The following FGFR1 variants were observed in gnomAD, a reference collection of about 807,000 sequenced individuals.
FGFR1 encodes FGFR1/PLAG1 fusion.
FGFR1 carries 18 observed loss-of-function variants against 93.7 expected under a neutral mutation model. The ratio of observed to expected loss-of-function variants is 0.19; its 90% CI spans 0.13 to 0.28. FGFR1 has a LOEUF of 0.28. FGFR1 is among the 10% of genes least tolerant of loss of function. The pLI, the probability that FGFR1 is intolerant of heterozygous loss-of-function variation, is 1.00. For synonymous variants in FGFR1, 448 were observed against 429.3 expected, an observed-to-expected ratio of 1.04 and a Z score of -0.54; for missense variants, 731 against 1,080.4, an observed-to-expected ratio of 0.68 and a Z score of 4.53.
chr8:38,466,898 C>G (rs931066249), intron 1 of FGFR1, among the ~76,000 whole-genome samples: 1 of 149,216 alleles, frequency 6.7e-6, no homozygotes, highest in African/African-American at 2.5e-5. Flanking sequence ...ACACCCCACC[C>G]CCCCCCCACC....
intron 12 of FGFR1, among the ~76,000 whole-genome samples, 182 bp downstream of exon 12, chr8:38,417,124 T>C (rs548749575): frequency 1.4e-4 from 22 of 152,340 alleles, no homozygotes; most frequent in South Asian, 2.1e-4. Flanking sequence ...TAGGTATCTG[T>C]ATTCCTGAAT....
At chr8:38,436,639 T>G (rs969944867) in intron 2 of FGFR1, among the ~76,000 whole-genome samples, 5 of 151,988 alleles carry the variant, frequency 3.3e-5, no homozygotes, top group African/African-American at 1.2e-4. Flanking sequence ...AAACCTACCC[T>G]GCTTCTCTAA....
intron 2 of FGFR1, among the ~76,000 whole-genome samples, chr8:38,443,333 C>T (rs994407269): frequency 6.6e-5 from 10 of 152,052 alleles, no homozygotes; most frequent in African/African-American, 1.9e-4. Context: ...CCGTACCCGA[C>T]GATTATACAT....
At chr8:38,432,944 G>A (rs1046755922) in intron 2 of FGFR1, among the ~76,000 whole-genome samples, 1 of 114,214 alleles carries the variant, frequency 8.8e-6, no homozygotes. Context: ...CTTTCAGCAC[G>A]GCTGCATCCT....
chr8:38,450,407 G>A (rs1830675866), intron 2 of FGFR1, among the ~76,000 whole-genome samples: 2 of 152,158 alleles, frequency 1.3e-5, no homozygotes, highest in African/African-American at 4.8e-5. Flanking sequence ...TGGCCCCGGA[G>A]GAACGAGGCA....
intron 1 of FGFR1, among the ~76,000 whole-genome samples, chr8:38,458,472 C>T (rs932173930): frequency 3.3e-5 from 5 of 151,902 alleles, no homozygotes; most frequent in South Asian, 2.1e-4. Flanking sequence ...ACTCAGGAGG[C>T]GGAGGTTGCA....
intron 2 of FGFR1, among the ~76,000 whole-genome samples, chr8:38,439,521 G>A (rs555777765): frequency 1.6e-4 from 25 of 152,182 alleles, no homozygotes; most frequent in Non-Finnish European, 3.1e-4. Context: ...ACTGCACAGG[G>A]CTCACAAGGG....
At position 38,412,872 on chromosome 8, in the gene FGFR1, A is replaced by G. The variant is rs1437124195; in HGVS notation, c.*756T>C. ...CTTTTTTTTCTTTTTTGTTTTTAAT[A>G]TATAGCAACTGATGCCTCCCAGCCA... On this transcript the variant is annotated 3_prime_UTR_variant, in exon 18 of 18. Coordinates refer to ENST00000447712, the MANE Select transcript of FGFR1 (RefSeq NM_023110.3). The G allele has an allele frequency of 4.3e-6, 1 of 233,614 alleles. No homozygotes were observed. The highest frequency in any genetic ancestry group is 6.0e-5 in the East Asian group (1 of 16,598). The allele number at this position is 233,614 out of a possible 1,614,324, so 14.5% of individuals were successfully genotyped here.
intron 2 of FGFR1, among the ~76,000 whole-genome samples, chr8:38,453,791 C>A (rs186271985): frequency 6.1e-4 from 93 of 152,218 alleles, no homozygotes; most frequent in Non-Finnish European, 2.9e-5. Flanking sequence ...ACTTAGGAGG[C>A]TGAGGCAGGA....
At chr8:38,459,573 T>C (rs1194000374) in intron 1 of FGFR1, among the ~76,000 whole-genome samples, 1 of 152,214 alleles carries the variant, frequency 6.6e-6, no homozygotes, top group Admixed American at 6.5e-5. Flanking sequence ...GTAGAATTAA[T>C]TTAGAACTAT....
chr8:38,466,339 A>G lies in FGFR1; in HGVS notation c.-89+1642T>C, dbSNP rs566314880. ...GGCAGGCGCTCCCGCAGCTCCAGCT[A>G]TAACACAAGGGAGAGAAAGCAACGC... On this transcript the variant is annotated intron_variant, in intron 1 of 17. Coordinates refer to ENST00000447712, the MANE Select transcript of FGFR1 (RefSeq NM_023110.3). The G allele has an allele frequency of 1.6e-4, 36 of 232,122 alleles. No individual in the cohort carries two copies. The East Asian group carries it at 2.1e-3, about 14-fold the overall frequency. 14.4% of individuals were successfully genotyped at this position (232,122 alleles called of 1,614,324 possible).
In FGFR1 at chr8:38,424,447, G is replaced by GC. The variant is rs748581268; in HGVS notation, c.936+61dup. ...ACTGAGCCTGCCCACAGGAACTTGA[G>GC]CCCCCGAGACAGTGGTCTCCTTCCC... On this transcript the variant is annotated intron_variant, in intron 7 of 17. Transcript: ENST00000447712. The surrounding 1 kb of genome is among the most constrained non-coding windows in gnomAD (Gnocchi z 4.3). The GC allele has an allele frequency of 6.3e-6, 10 of 1,593,052 alleles. No homozygotes were observed. The African/African-American group carries it at 1.1e-4, about 17-fold the overall frequency.
At chr8:38,422,229 G>C (rs924632400) in intron 7 of FGFR1, 17 of 489,752 alleles carry the variant, frequency 3.5e-5, no homozygotes, top group African/African-American at 3.1e-4. Context: ...CGGGCGGTGA[G>C]CGGCATGGAG....
At chr8:38,416,559 G>A (rs1816731215) in intron 12 of FGFR1, among the ~76,000 whole-genome samples, 1 of 140,220 alleles carries the variant, frequency 7.1e-6, no homozygotes, top group African/African-American at 2.7e-5. Context: ...GTGTTCAAAC[G>A]ATTCTCCTGC....
At chr8:38,455,363 C>T (rs888433072) in intron 2 of FGFR1, among the ~76,000 whole-genome samples, 1 of 152,208 alleles carries the variant, frequency 6.6e-6, no homozygotes, top group African/African-American at 2.4e-5. Flanking sequence ...TCACTGCATG[C>T]TCTGCCTCCC....
chr8:38,434,292 A>G (rs1824376183), intron 2 of FGFR1: 1 of 163,910 alleles, frequency 6.1e-6, no homozygotes, highest in Non-Finnish European at 1.3e-5. Flanking sequence ...TTGGGATTAC[A>G]GGTGTGAGCC....
At chr8:38,465,240 GGAAAAGAAGCACCCTA>G (rs1835252114) in intron 1 of FGFR1, among the ~76,000 whole-genome samples, 1 of 152,232 alleles carries the variant, frequency 6.6e-6, no homozygotes, top group African/African-American at 2.4e-5. Flanking sequence ...CAGAGGCCAA[GGAAAAGAAGCACCCTA>G]AGATTGTTCA....
rs746382032 is a variant in FGFR1, at chr8:38,426,397, T to A, written c.622-152A>T. 20 of 1,092,736 alleles carry A rather than the reference T, an allele frequency of 1.8e-5. No individual in the cohort carries two copies. Among genetic ancestry groups the A allele is most frequent in the Admixed American group, 7.0e-5 (4 of 56,864 alleles). The allele number at this position is 1,092,736 out of a possible 1,614,324, so 67.7% of individuals were successfully genotyped here. A position where few individuals can be genotyped will look rare whatever the true frequency, so the allele number is the denominator to read the frequency against. ...GGGTTGGCTAGGACAAGGCGTGGAT[T>A]GCCCCCCTACCAGCCCGTTCACACT... On this transcript the variant is annotated intron_variant, in intron 5 of 17. Transcript: ENST00000447712. This position sits in a 1 kb window ranked among gnomAD's most constrained non-coding sequence, Gnocchi z 4.1.
At chr8:38,428,974 C>A in intron 3 of FGFR1, 1 of 304,364 alleles carries the variant, frequency 3.3e-6, no homozygotes. Context: ...CACCTCTCCC[C>A]AATAAGTATT....
Sources: gnomAD v4.1 joint callset for allele counts (sites outside exome capture counted in the v4.1 genomes callset) on GRCh38, gnomAD v4.1.1 for gene constraint, Gnocchi (gnomAD v3.1) non-coding constraint, MANE v1.5 for transcripts, NCBI Gene and HGNC (gene_info 2026-07-23, HGNC 2026-07-21) for gene names.